Variants in SUSD4 observed in about 807,000 individuals in gnomAD.
SUSD4 encodes sushi domain containing 4.
Under a neutral mutation model 50.5 loss-of-function variants are expected in SUSD4, and 41 were observed. That is an observed-to-expected ratio of 0.81 (90% CI 0.63 to 1.05). The LOEUF (loss-of-function observed/expected upper bound fraction) is 1.05, where lower values mean the gene tolerates loss of function less well. SUSD4 is among the 50% of genes least tolerant of loss of function. The pLI is 0.00. For missense variants in SUSD4, 580 were observed against 634.7 expected (o/e 0.91, Z 0.93); for synonymous variants, 257 against 257.3 (o/e 1.00, Z 0.01).
intron 2 of SUSD4, among the ~76,000 whole-genome samples, chr1:223,317,045 C>T (rs567475741): frequency 6.6e-6 from 1 of 152,286 alleles, no homozygotes; most frequent in East Asian, 1.9e-4. Flanking sequence ...TGACTAGGAG[C>T]TGGATAAAAT....
chr1:223,224,654 T>C lies in SUSD4; in HGVS notation c.1062-1023A>G, dbSNP rs73120291. Among the ~76,000 whole-genome samples the C allele has an allele frequency of 7.3e-3, 1,115 of 152,224 alleles. 9 individuals carry two copies. Among genetic ancestry groups the C allele is most frequent in the African/African-American group, 0.024 (993 of 41,534 alleles). On this transcript the variant is annotated intron_variant, in intron 7 of 8. Transcript: ENST00000366878. ...GGAGCGGCGGCAAAGTGAGTCTGCA[T>C]GTCTGCAGGGCTCCCTCACGTGGGC...
chr1:223,364,753 G>A (rs572230806), upstream of SUSD4, among the ~76,000 whole-genome samples: 24 of 152,052 alleles, frequency 1.6e-4, no homozygotes, highest in East Asian at 2.9e-3. The surrounding 1 kb of genome is among the most constrained non-coding windows in gnomAD (Gnocchi z 4.5). Flanking sequence ...GTGCGCGGCC[G>A]GCAGCTCCCA....
chr1:223,323,591 T>C (rs1572061459), intron 2 of SUSD4, among the ~76,000 whole-genome samples: 1 of 151,978 alleles, frequency 6.6e-6, no homozygotes, highest in Non-Finnish European at 1.5e-5. Flanking sequence ...AATGGCAGGG[T>C]AGACCACCCA....
chr1:223,319,407 T>C (rs1666439254), intron 2 of SUSD4, among the ~76,000 whole-genome samples: 2 of 151,588 alleles, frequency 1.3e-5, no homozygotes, highest in African/African-American at 4.9e-5. Context: ...CCTACTCATC[T>C]GACAAAGGGC....
chr1:223,312,452 T>C (rs1317726189), intron 2 of SUSD4, among the ~76,000 whole-genome samples: 1 of 152,148 alleles, frequency 6.6e-6, no homozygotes, highest in South Asian at 2.1e-4. Flanking sequence ...CTCCAAATCC[T>C]GGCTGCTAGG....
intron 6 of SUSD4, among the ~76,000 whole-genome samples, chr1:223,228,115 G>C (rs1224438839): frequency 1.3e-5 from 2 of 152,154 alleles, no homozygotes; most frequent in East Asian, 1.9e-4. Context: ...GGGAAGCTGG[G>C]CCCTTTGTGA....
intron 3 of SUSD4, among the ~76,000 whole-genome samples, chr1:223,274,865 T>C (rs778578668): frequency 1.3e-5 from 2 of 152,092 alleles, no homozygotes; most frequent in African/African-American, 2.4e-5. Flanking sequence ...ATCATAGAGC[T>C]CTTTTTTTTC....
intron 3 of SUSD4, 127 bp downstream of exon 3, chr1:223,292,312 G>T: frequency 1.0e-6 from 1 of 959,238 alleles, no homozygotes; most frequent in Non-Finnish European, 1.6e-6. Flanking sequence ...TTTCTGGTCA[G>T]CATGCAGGTG....
chr1:223,293,612 TGAGAGCA>T (rs533986674), intron 2 of SUSD4, among the ~76,000 whole-genome samples: 3 of 152,160 alleles, frequency 2.0e-5, no homozygotes, highest in Non-Finnish European at 4.4e-5. Flanking sequence ...GGTGATGGGC[TGAGAGCA>T]GTGGAGACAC....
intron 2 of SUSD4, among the ~76,000 whole-genome samples, chr1:223,299,444 GGGA>G (rs2103173725): frequency 6.6e-6 from 1 of 152,300 alleles, no homozygotes; most frequent in South Asian, 2.1e-4. Flanking sequence ...TGGGGGGAGT[GGGA>G]GGAGAAGAAA....
chr1:223,328,278 T>C (rs1348296017), intron 2 of SUSD4, among the ~76,000 whole-genome samples: 3 of 152,160 alleles, frequency 2.0e-5, no homozygotes, highest in East Asian at 3.9e-4. Flanking sequence ...ATTCGGTCCT[T>C]ACAGCCTCTA....
intron 3 of SUSD4, among the ~76,000 whole-genome samples, chr1:223,291,286 A>G (rs1376312776): frequency 1.3e-5 from 2 of 152,028 alleles, no homozygotes; most frequent in African/African-American, 2.4e-5. Context: ...TGAGCTCAGG[A>G]GTTTGAGACT....
chr1:223,326,108 AG>A (rs1666861652), intron 2 of SUSD4, among the ~76,000 whole-genome samples: 1 of 152,236 alleles, frequency 6.6e-6, no homozygotes, highest in South Asian at 2.1e-4. Context: ...TTATACTACA[AG>A]GGTGTAGTTA....
intron 5 of SUSD4, among the ~76,000 whole-genome samples, chr1:223,230,279 A>G (rs1318127519): frequency 6.6e-6 from 1 of 152,154 alleles, no homozygotes; most frequent in Non-Finnish European, 1.5e-5. Context: ...ATGAGGACTC[A>G]GAAATAAACA....
chr1:223,257,477 G>A (rs780403445), intron 5 of SUSD4, among the ~76,000 whole-genome samples: 3 of 152,184 alleles, frequency 2.0e-5, no homozygotes, highest in Non-Finnish European at 2.9e-5. Context: ...CTTGACTGGT[G>A]CTCCCAGGCC....
chr1:223,364,946 A>AT (rs1263000385), upstream of SUSD4, among the ~76,000 whole-genome samples: 2 of 151,882 alleles, frequency 1.3e-5, no homozygotes, highest in African/African-American at 4.8e-5. The surrounding 1 kb of genome is among the most constrained non-coding windows in gnomAD (Gnocchi z 4.5). Flanking sequence ...CACCCTTGGT[A>AT]TTTTCCCTCT....
At chr1:223,263,922 C>G in intron 5 of SUSD4, 1 of 985,418 alleles carries the variant, frequency 1.0e-6, no homozygotes, top group Non-Finnish European at 1.2e-6. Context: ...ACCCACTATA[C>G]TCAGATGCTG....
chr1:223,339,418 G>A (rs1667631739), intron 2 of SUSD4, among the ~76,000 whole-genome samples: 1 of 152,136 alleles, frequency 6.6e-6, no homozygotes, highest in Admixed American at 6.5e-5. Flanking sequence ...GAGGGGAGAG[G>A]TTGTATACAT....
chr1:223,349,923 T>C lies in SUSD4; in HGVS notation c.148+13355A>G, dbSNP rs367918245. On this transcript the variant is annotated intron_variant, in intron 2 of 8. Coordinates refer to ENST00000366878, the MANE Select transcript of SUSD4 (RefSeq NM_017982.4). ...CCCCCAATATGACTCTATTTGGAGA[T>C]AGGGCCTTTAAGAGGTAATTAAAGT... Among the ~76,000 whole-genome samples, 40 of 152,334 alleles carry C rather than the reference T, an allele frequency of 2.6e-4. No homozygotes were observed. The East Asian group carries it at 6.9e-3, about 26-fold the overall frequency.
Sources: allele counts gnomAD v4.1 joint callset (sites outside exome capture counted in the v4.1 genomes callset), GRCh38; gene constraint gnomAD v4.1.1; non-coding constraint Gnocchi (gnomAD v3.1); transcripts MANE v1.5; gene names NCBI Gene and HGNC (gene_info 2026-07-23, HGNC 2026-07-21).